Variants in SGCD observed in about 807,000 individuals in gnomAD.
The protein encoded by SGCD is sarcoglycan delta, also known as delta-sarcoglycan.
Under a neutral mutation model 36.6 loss-of-function variants are expected in SGCD, and 18 were observed. That is an observed-to-expected ratio of 0.49 (90% CI 0.34 to 0.73). The LOEUF is 0.73. Among genes scored for constraint, SGCD ranks in the 30% least tolerant of loss-of-function variants. The pLI is 0.01. For missense variants in SGCD, 387 were observed against 346.7 expected (o/e 1.12, Z -0.92); for synonymous variants, 133 against 130.6 (o/e 1.02, Z -0.12).
At chr5:156,265,429 C>G (rs1052152648) in intron 3 of SGCD, among the ~76,000 whole-genome samples, 1 of 151,778 alleles carries the variant, frequency 6.6e-6, no homozygotes, top group Non-Finnish European at 1.5e-5. Flanking sequence ...AATTGATCCT[C>G]ATTACGTTTT....
intron 1 of SGCD, among the ~76,000 whole-genome samples, chr5:155,910,425 A>T (rs1756607152): frequency 6.6e-6 from 1 of 152,134 alleles, no homozygotes; most frequent in Non-Finnish European, 1.5e-5. Context: ...GCGAGAAGTT[A>T]GATGACAGAC....
chr5:156,185,361 C>A (rs1474869437), intron 3 of SGCD, among the ~76,000 whole-genome samples: 1 of 151,712 alleles, frequency 6.6e-6, no homozygotes, highest in Non-Finnish European at 1.5e-5. Flanking sequence ...ACTACAGGCG[C>A]CCGCCACCAT....
At chr5:156,035,499 A>G (rs951943305) in intron 1 of SGCD, among the ~76,000 whole-genome samples, 1 of 152,100 alleles carries the variant, frequency 6.6e-6, no homozygotes, top group East Asian at 1.9e-4. Flanking sequence ...ATTTGCAGTT[A>G]CTCAGGAGGC....
the SGCD span, among the ~76,000 whole-genome samples, chr5:155,766,949 C>T: frequency 6.6e-6 from 1 of 152,160 alleles, no homozygotes; most frequent in East Asian, 1.9e-4. Context: ...AGAAAGTGAC[C>T]AACCATGCTC....
intron 3 of SGCD, among the ~76,000 whole-genome samples, chr5:156,436,203 C>T (rs941747832): frequency 6.6e-6 from 1 of 152,196 alleles, no homozygotes; most frequent in Admixed American, 6.6e-5. Flanking sequence ...ATGTGATCCA[C>T]ATTTAATCGG....
the SGCD span, among the ~76,000 whole-genome samples, chr5:155,733,756 G>A: frequency 6.6e-6 from 1 of 151,916 alleles, no homozygotes; most frequent in Non-Finnish European, 1.5e-5. Flanking sequence ...GACAACTAGG[G>A]GTCAAGGCCT....
At chr5:156,755,599 A>G (rs1757306111) in intron 7 of SGCD, among the ~76,000 whole-genome samples, 1 of 152,198 alleles carries the variant, frequency 6.6e-6, no homozygotes, top group South Asian at 2.1e-4. Flanking sequence ...TCCCTGTTGC[A>G]CTGACATTAT....
At chr5:156,176,801 C>A (rs955491404) in intron 3 of SGCD, among the ~76,000 whole-genome samples, 3 of 152,084 alleles carry the variant, frequency 2.0e-5, no homozygotes, top group African/African-American at 7.2e-5. Flanking sequence ...GAAAAATATT[C>A]TTTCTCTTCC....
chr5:156,221,197 G>T (rs1415656857), intron 3 of SGCD, among the ~76,000 whole-genome samples: 16 of 152,114 alleles, frequency 1.1e-4, no homozygotes, highest in African/African-American at 3.9e-4. Context: ...TAGTTCTGGA[G>T]ACTGGGAAGT....
chr5:156,037,596 C>T (rs1362660745), intron 1 of SGCD, among the ~76,000 whole-genome samples: 33 of 152,170 alleles, frequency 2.2e-4, no homozygotes, highest in Admixed American at 2.2e-3. Flanking sequence ...TTTAAAGATT[C>T]CACTCATAGA....
chr5:156,580,465 G>T (rs927962543), intron 4 of SGCD, among the ~76,000 whole-genome samples: 1 of 152,118 alleles, frequency 6.6e-6, no homozygotes, highest in African/African-American at 2.4e-5. Flanking sequence ...GGCCTGCTTT[G>T]CTAGGTTGGG....
At chr5:156,370,660 A>T (rs1580886364) in intron 3 of SGCD, among the ~76,000 whole-genome samples, 1 of 152,278 alleles carries the variant, frequency 6.6e-6, no homozygotes, top group African/African-American at 2.4e-5. Flanking sequence ...CCTGCATGGG[A>T]TTGTCAGTAT....
chr5:156,590,656 G>A (rs1448203876), intron 5 of SGCD, among the ~76,000 whole-genome samples: 1 of 152,114 alleles, frequency 6.6e-6, no homozygotes, highest in Non-Finnish European at 1.5e-5. Flanking sequence ...TTTGTAGTGG[G>A]AGATTTGGTT....
chr5:156,056,241 G>A (rs181693308), intron 1 of SGCD, among the ~76,000 whole-genome samples: 1 of 145,880 alleles, frequency 6.9e-6, no homozygotes, highest in Non-Finnish European at 1.5e-5. Flanking sequence ...AACTTTGGGA[G>A]GAACTTAGTT....
chr5:156,111,408 A>T (rs1407059300), intron 1 of SGCD, among the ~76,000 whole-genome samples: 2 of 152,172 alleles, frequency 1.3e-5, no homozygotes, highest in African/African-American at 4.8e-5. Context: ...GGGCAGTGGG[A>T]AGCCTTTGGG....
the SGCD span, among the ~76,000 whole-genome samples, chr5:155,740,984 A>G: frequency 1.3e-5 from 2 of 152,164 alleles, no homozygotes; most frequent in East Asian, 1.9e-4. Context: ...CTTGGTTTGT[A>G]TATATTTTAG....
intron 7 of SGCD, among the ~76,000 whole-genome samples, chr5:156,711,356 T>C (rs1014416550): frequency 3.3e-5 from 5 of 152,234 alleles, no homozygotes; most frequent in Non-Finnish European, 7.3e-5. Context: ...TGATGTAGCT[T>C]CGATGGCTTA....
At chr5:156,241,912 G>A (rs1458300127) in intron 3 of SGCD, among the ~76,000 whole-genome samples, 1 of 152,110 alleles carries the variant, frequency 6.6e-6, no homozygotes, top group Admixed American at 6.6e-5. Context: ...CCATGCTTGG[G>A]GTTGGGAGAG....
chr5:155,833,615 G>A, the SGCD span, among the ~76,000 whole-genome samples: 3 of 152,164 alleles, frequency 2.0e-5, no homozygotes, highest in African/African-American at 7.2e-5. Flanking sequence ...AAACCAAGGG[G>A]GGAAAAGTCT....
Sources: gnomAD v4.1 joint callset for allele counts (sites outside exome capture counted in the v4.1 genomes callset) on GRCh38, gnomAD v4.1.1 for gene constraint, MANE v1.5 for transcripts, NCBI Gene and HGNC (gene_info 2026-07-23, HGNC 2026-07-21) for gene names.